Variants in TSEN15 observed in about 807,000 individuals in gnomAD.
The protein encoded by TSEN15 is tRNA splicing endonuclease subunit 15, also known as tRNA-splicing endonuclease subunit Sen15.
In TSEN15, 10 loss-of-function variants were observed where a neutral mutation model predicts 20.5. The ratio of observed to expected loss-of-function variants is 0.49; its 90% CI spans 0.30 to 0.83. The LOEUF (loss-of-function observed/expected upper bound fraction) is 0.83. Among genes scored for constraint, TSEN15 ranks in the 40% least tolerant of loss-of-function variants. The pLI is 0.06. For synonymous variants in TSEN15, 72 were observed against 80.1 expected, an observed-to-expected ratio of 0.90 and a Z score of 0.54; for missense variants, 180 against 218.6, an observed-to-expected ratio of 0.82 and a Z score of 1.11.
chr1:184,062,748 G>A (rs1418696710), intron 3 of TSEN15, among the ~76,000 whole-genome samples: 1 of 151,178 alleles, frequency 6.6e-6, no homozygotes, highest in Admixed American at 6.6e-5. Flanking sequence ...GGTTTTTTTT[G>A]TTTGTTTTTT....
intron 1 of TSEN15, among the ~76,000 whole-genome samples, chr1:184,053,926 T>C (rs1186396511): frequency 6.6e-6 from 1 of 152,222 alleles, no homozygotes; most frequent in African/African-American, 2.4e-5. Flanking sequence ...TTACAGGCCC[T>C]TGAATGTATG....
chr1:184,083,728 A>G (rs528627496), intron 3 of TSEN15, among the ~76,000 whole-genome samples: 72 of 152,224 alleles, frequency 4.7e-4, no homozygotes, highest in African/African-American at 1.7e-3. Context: ...TACATTCTCT[A>G]TTGTTTAGAT....
rs191640594 is a variant in TSEN15, at chr1:184,083,054, T to C, written c.354-12636T>C. On this transcript the variant is annotated intron_variant, in intron 3 of 3. Transcript: ENST00000643231. ...TTTAATTTTCTGAGGGTACATTTTA[T>C]CTTATCTATCAGCTTACATCCCACC... Among the ~76,000 whole-genome samples, 4 of 152,322 alleles carry C rather than the reference T, an allele frequency of 2.6e-5. No individual in the cohort carries two copies. In the East Asian group the frequency reaches 7.7e-4, roughly 29 times the overall value.
intron 3 of TSEN15, among the ~76,000 whole-genome samples, chr1:184,083,538 T>C (rs182096129): frequency 1.1e-4 from 16 of 152,326 alleles, no homozygotes; most frequent in African/African-American, 3.6e-4. Flanking sequence ...AAATGGTAAT[T>C]CCTCTCACAT....
intron 3 of TSEN15, among the ~76,000 whole-genome samples, chr1:184,083,383 A>C (rs6657374): frequency 0.75 from 113,925 of 152,184 alleles, 42,948 homozygotes; most frequent in African/African-American, 0.81. Flanking sequence ...ATAAGGATTT[A>C]TAAACAAAAT....
chr1:184,061,836 C>G (rs1179326403), intron 3 of TSEN15, among the ~76,000 whole-genome samples: 1 of 152,216 alleles, frequency 6.6e-6, no homozygotes, highest in East Asian at 1.9e-4. Flanking sequence ...TACATACTTT[C>G]TGGCAAGAGT....
chr1:184,057,106 CTG>C (rs1464556764), intron 3 of TSEN15, among the ~76,000 whole-genome samples: 1 of 152,104 alleles, frequency 6.6e-6, no homozygotes, highest in East Asian at 1.9e-4. Context: ...TTACAAAAGA[CTG>C]TGGCTTCTAT....
intron 3 of TSEN15, among the ~76,000 whole-genome samples, chr1:184,066,329 G>T (rs1245456218): frequency 2.0e-5 from 3 of 150,498 alleles, no homozygotes; most frequent in Non-Finnish European, 4.4e-5. Context: ...CTATTCCATT[G>T]ACCTATTCAT....
rs771808901 is a variant in TSEN15, at chr1:184,051,762, G to A, written c.7G>A (p.Glu3Lys). ...GAGCGCCGCACCGGCCGGCATGGAGGAGCGCGGCGATTCCGAGCCGACCCC... is the reference window on the plus strand; with the variant it reads ...GAGCGCCGCACCGGCCGGCATGGAGAAGCGCGGCGATTCCGAGCCGACCCC... MEERGDSEPTPGC... is the reference protein window; with the variant it reads MEKRGDSEPTPGC... The change falls in exon 1 of 5, where the codon GAG becomes AAG. Residue 3 changes from glutamate to lysine, a missense_variant. By Grantham distance (56) the Glu-to-Lys change is moderately conservative. Coordinates refer to ENST00000645668, the MANE Select transcript of TSEN15 (RefSeq NM_052965.4). 91 of 1,490,606 alleles carry A rather than the reference G, an allele frequency of 6.1e-5. No individual in the cohort carries two copies. In the East Asian group the frequency reaches 7.0e-4, roughly 12 times the overall value. The allele number at this position is 1,490,606 out of a possible 1,614,324, so 92.3% of individuals were successfully genotyped here. A position where few individuals can be genotyped will look rare whatever the true frequency, so the allele number is the denominator to read the frequency against.
chr1:184,088,662 C>CATGTTTAAT (rs368115469), intron 3 of TSEN15, among the ~76,000 whole-genome samples: 5 of 151,078 alleles, frequency 3.3e-5, no homozygotes, highest in South Asian at 2.1e-4. Flanking sequence ...TATATGAGTA[C>CATGTTTAAT]ACATGTCATG....
intron 3 of TSEN15, among the ~76,000 whole-genome samples, chr1:184,088,976 A>T (rs1334601890): frequency 6.6e-6 from 1 of 152,212 alleles, no homozygotes; most frequent in Non-Finnish European, 1.5e-5. Context: ...TAGATAATAC[A>T]CTGGAGTGAT....
At chr1:184,069,774 A>AT (rs1475255751) in intron 3 of TSEN15, among the ~76,000 whole-genome samples, 1 of 152,046 alleles carries the variant, frequency 6.6e-6, no homozygotes, top group Non-Finnish European at 1.5e-5. Context: ...GTTGAGGAAA[A>AT]GATGATGGCT....
intron 3 of TSEN15, among the ~76,000 whole-genome samples, chr1:184,080,350 G>A (rs1324810220): frequency 2.6e-5 from 4 of 152,154 alleles, no homozygotes; most frequent in Non-Finnish European, 5.9e-5. Context: ...ATAGCTCCAG[G>A]TAGTAGCAAG....
chr1:184,085,017 G>C (rs901564934), intron 3 of TSEN15, among the ~76,000 whole-genome samples: 1 of 151,970 alleles, frequency 6.6e-6, no homozygotes, highest in Non-Finnish European at 1.5e-5. Context: ...CACTTTGGGG[G>C]ATCCTTTAGG....
chr1:184,086,977 G>A (rs1026419472), intron 3 of TSEN15, among the ~76,000 whole-genome samples: 1 of 152,032 alleles, frequency 6.6e-6, no homozygotes, highest in Non-Finnish European at 1.5e-5. Flanking sequence ...GGTGGGATGG[G>A]GTGTGATAGT....
chr1:184,091,324 T>A (rs147190301), intron 3 of TSEN15, among the ~76,000 whole-genome samples: 15 of 151,980 alleles, frequency 9.9e-5, no homozygotes, highest in Admixed American at 9.2e-4. Flanking sequence ...ATATATATTT[T>A]TATATATATG....
chr1:184,096,198 A>T (rs938790693), exon 4 of TSEN15: 1 of 153,370 alleles, frequency 6.5e-6, no homozygotes, highest in African/African-American at 2.4e-5. Context: ...ATATGACAGC[A>T]TCTTTCCTCT....
In TSEN15 at chr1:184,067,778, A is replaced by G. The variant is rs147927532; in HGVS notation, c.354-4379A>G. On this transcript the variant is annotated intron_variant, in intron 3 of 4. Transcript: ENST00000645668. ...ACTAAAAATACAAAAAATTAGCTGG[A>G]TGTGGTGGTGTGTGCCTGTAGTCCC... is the stretch of plus-strand genomic sequence containing the variant. Among the ~76,000 whole-genome samples the G allele has an allele frequency of 3.1e-3, 461 of 151,130 alleles. 2 individuals are homozygous for G. Among genetic ancestry groups the G allele is most frequent in the African/African-American group, 7.3e-3 (299 of 41,198 alleles).
At chr1:184,094,442 C>T (rs1227485255) in intron 3 of TSEN15, 2 of 152,286 alleles carry the variant, frequency 1.3e-5, no homozygotes, top group African/African-American at 4.8e-5. Flanking sequence ...CAGACCAGTT[C>T]TGGTGTGGGC....
Sources: allele counts gnomAD v4.1 joint callset (sites outside exome capture counted in the v4.1 genomes callset), GRCh38; gene constraint gnomAD v4.1.1; transcripts MANE v1.5; gene names NCBI Gene and HGNC (gene_info 2026-07-23, HGNC 2026-07-21).